The following RARS2 variants were observed in gnomAD, a reference collection of about 807,000 sequenced individuals.
RARS2 encodes arginyl-tRNA synthetase 2, mitochondrial, also known as probable arginine--tRNA ligase, mitochondrial.
In RARS2, 67 loss-of-function variants were observed where a neutral mutation model predicts 88.5. The ratio of observed to expected loss-of-function variants is 0.76; its 90% CI spans 0.62 to 0.93. The LOEUF is 0.93. Ranked by LOEUF, RARS2 falls within the 40% of genes least tolerant of loss-of-function variation. RARS2 has a pLI of 0.00. For missense variants in RARS2, 664 were observed against 684.2 expected, an observed-to-expected ratio of 0.97 and a Z score of 0.33; for synonymous variants, 239 against 230.3, an observed-to-expected ratio of 1.04 and a Z score of -0.34.
At chr6:87,522,400 A>G (rs797003337) in intron 11 of RARS2, among the ~76,000 whole-genome samples, 16 of 151,520 alleles carry the variant, frequency 1.1e-4, no homozygotes, top group African/African-American at 3.9e-4. Context: ...TTTATCTCTG[A>G]TTAGATACAA....
intron 1 of RARS2, among the ~76,000 whole-genome samples, chr6:87,587,474 C>G (rs1449448195): frequency 6.6e-6 from 1 of 152,186 alleles, no homozygotes; most frequent in Non-Finnish European, 1.5e-5. Flanking sequence ...ATAATTTACA[C>G]TGCTGTATAA....
Position 87,516,882 on chromosome 6 carries a change from TAAA to T in RARS2, c.1512-5_1512-3del, listed in dbSNP as rs1771925354. On this transcript the variant is annotated splice_polypyrimidine_tract_variant and splice_region_variant and intron_variant, in intron 17 of 19. Transcript: ENST00000369536. ...GATTTATAAAGCACCTCGTCGAACC[TAAA>T]AGATGACAGGAACAGTGAACAGGAA... is the stretch of plus-strand genomic sequence containing the variant. 1 of 1,613,604 alleles carries T rather than the reference TAAA, an allele frequency of 6.2e-7. No individual in the cohort carries two copies. Among genetic ancestry groups the T allele is most frequent in the Admixed American group, 1.7e-5 (1 of 60,018 alleles).
chr6:87,521,808 CAACT>C (rs1773942840), intron 11 of RARS2, among the ~76,000 whole-genome samples: 1 of 151,824 alleles, frequency 6.6e-6, no homozygotes, highest in African/African-American at 2.4e-5. Flanking sequence ...GTAGTAATAA[CAACT>C]AAAATAGCTC....
At chr6:87,546,134 A>C (rs370801197) in intron 6 of RARS2, among the ~76,000 whole-genome samples, 1 of 152,162 alleles carries the variant, frequency 6.6e-6, no homozygotes, top group Non-Finnish European at 1.5e-5. Context: ...TTAATCACTA[A>C]CATCTACCCT....
chr6:87,519,208 G>GTGTGTGTGTGTGTA (rs1210109506), intron 14 of RARS2: 30 of 257,630 alleles, frequency 1.2e-4, no homozygotes, highest in Middle Eastern at 1.4e-3. Context: ...GTGTGTGTGT[G>GTGTGTGTGTGTGTA]TATATATATA....
intron 8 of RARS2, among the ~76,000 whole-genome samples, chr6:87,540,121 CAG>C (rs1053784321): frequency 2.6e-5 from 4 of 151,906 alleles, no homozygotes; most frequent in Admixed American, 6.6e-5. Flanking sequence ...GGCATGGACT[CAG>C]GGGAAAATGG....
intron 8 of RARS2, among the ~76,000 whole-genome samples, chr6:87,536,038 T>C (rs1035874567): frequency 6.6e-6 from 1 of 152,086 alleles, no homozygotes; most frequent in Non-Finnish European, 1.5e-5. Flanking sequence ...CATATTTTAT[T>C]GGCATGATAT....
chr6:87,555,558 T>G, intron 4 of RARS2, 53 bp from the exon 5 acceptor site: 1 of 1,329,962 alleles, frequency 7.5e-7, no homozygotes, highest in Non-Finnish European at 1.1e-6. Flanking sequence ...TGCTTTTAAT[T>G]ACTCTGTTAC....
At chr6:87,571,733 C>T (rs1395611198) in intron 1 of RARS2, among the ~76,000 whole-genome samples, 2 of 152,208 alleles carry the variant, frequency 1.3e-5, no homozygotes, top group African/African-American at 2.4e-5. Flanking sequence ...ACAACATATA[C>T]TCTCCTGTTG....
At chr6:87,569,789 T>C (rs764357055) in intron 1 of RARS2, among the ~76,000 whole-genome samples, 199 bp from the exon 2 acceptor site, 19 of 151,876 alleles carry the variant, frequency 1.3e-4, no homozygotes, top group Middle Eastern at 3.2e-3. Context: ...CCCAAAATTC[T>C]AAGGATGAAG....
intron 9 of RARS2, among the ~76,000 whole-genome samples, chr6:87,530,242 T>C (rs972621333): frequency 6.6e-6 from 1 of 152,192 alleles, no homozygotes; most frequent in Non-Finnish European, 1.5e-5. Flanking sequence ...CTTGCTTACT[T>C]ACTCCAGTCA....
Position 87,589,639 on chromosome 6 carries a change from C to G in RARS2, c.36+283G>C, listed in dbSNP as rs28381456. On this transcript the variant is annotated intron_variant, in intron 1 of 19. Transcript: ENST00000369536. ...GTCTAATCATGGTCTAATGACTTGCCGCCACCCAGGTAAAGCATTCATAGC... is the reference window on the plus strand; with the variant it reads ...GTCTAATCATGGTCTAATGACTTGCGGCCACCCAGGTAAAGCATTCATAGC... 2,476 of 981,734 alleles carry G rather than the reference C, an allele frequency of 2.5e-3. 45 individuals carry two copies. In the African/African-American group the frequency reaches 0.04, roughly 16 times the overall value. The allele number at this position is 981,734 out of a possible 1,614,324, so 60.8% of individuals were successfully genotyped here.
At chr6:87,541,400 C>T (rs1479698088) in intron 8 of RARS2, among the ~76,000 whole-genome samples, 3 of 152,224 alleles carry the variant, frequency 2.0e-5, no homozygotes, top group Non-Finnish European at 4.4e-5. Context: ...TGGTCTTGAA[C>T]TCCTGGTGTC....
intron 1 of RARS2, among the ~76,000 whole-genome samples, chr6:87,578,054 G>A (rs1384817622): frequency 6.6e-6 from 1 of 151,770 alleles, no homozygotes; most frequent in Non-Finnish European, 1.5e-5. Context: ...AGGTCGAGGT[G>A]CAGGATCACT....
chr6:87,584,623 A>G, intron 1 of RARS2: 1 of 393,876 alleles, frequency 2.5e-6, no homozygotes, highest in South Asian at 1.8e-5. Context: ...ACCATTATTA[A>G]GTGCTCCATG....
At chr6:87,572,693 T>G (rs1188980135) in intron 1 of RARS2, among the ~76,000 whole-genome samples, 2 of 152,104 alleles carry the variant, frequency 1.3e-5, no homozygotes, top group African/African-American at 4.8e-5. Context: ...GCTTCCTGAG[T>G]AGCTGGGACT....
intron 8 of RARS2, among the ~76,000 whole-genome samples, chr6:87,536,636 C>CG (rs1171781490): frequency 1.7e-5 from 2 of 119,354 alleles, no homozygotes; most frequent in East Asian, 4.6e-4. Context: ...GACCCCATCA[C>CG]GAAAAAAAAA....
At position 87,530,635 on chromosome 6, in the gene RARS2, C is replaced by T. The variant is rs1777196489; in HGVS notation, c.771+149G>A. On this transcript the variant is annotated intron_variant, in intron 9 of 19. Coordinates refer to ENST00000369536, the MANE Select transcript of RARS2 (RefSeq NM_020320.5). ...CTTCAGGATTATTTTGCAGTTCTTT[C>T]AGCCCAAAAAAAAAATTTGAGTCTT... The T allele has an allele frequency of 5.3e-6, 5 of 947,296 alleles. No individual in the cohort carries two copies. In the South Asian group the frequency reaches 5.8e-5, roughly 11 times the overall value. The allele number at this position is 947,296 out of a possible 1,614,324, so 58.7% of individuals were successfully genotyped here.
intron 7 of RARS2, among the ~76,000 whole-genome samples, chr6:87,544,540 G>T (rs1392251003): frequency 6.6e-6 from 1 of 152,190 alleles, no homozygotes; most frequent in African/African-American, 2.4e-5. Context: ...GTGTGTCTTT[G>T]TGTCAGAGAA....
Sources: gnomAD v4.1 joint callset for allele counts (sites outside exome capture counted in the v4.1 genomes callset) on GRCh38, gnomAD v4.1.1 for gene constraint, MANE v1.5 for transcripts, NCBI Gene and HGNC (gene_info 2026-07-23, HGNC 2026-07-21) for gene names.